RDH10: variants seen among roughly 807,000 people sequenced by gnomAD.
RDH10 encodes retinol dehydrogenase 10.
In RDH10, 12 loss-of-function variants were observed where a neutral mutation model predicts 30.2. That is an observed-to-expected ratio of 0.40 (90% CI 0.25 to 0.64). RDH10 has a LOEUF of 0.64. Among genes scored for constraint, RDH10 ranks in the 30% least tolerant of loss-of-function variants. The pLI is 0.43. For missense variants in RDH10, 268 were observed against 445.2 expected (o/e 0.60, Z 3.58); for synonymous variants, 189 against 172.2 (o/e 1.10, Z -0.76).
chr8:73,313,921 T>C (rs1360654056), intron 2 of RDH10, among the ~76,000 whole-genome samples: 1 of 152,234 alleles, frequency 6.6e-6, no homozygotes, highest in Non-Finnish European at 1.5e-5. Flanking sequence ...TCCATCCTTA[T>C]ACTTGATGTA....
At position 73,324,385 on chromosome 8, in the gene RDH10, C is replaced by T. The variant is rs1302129418; in HGVS notation, c.*1349C>T. 1 of 152,148 alleles carries T rather than the reference C, an allele frequency of 6.6e-6. No homozygotes were observed. The highest frequency in any genetic ancestry group is 1.5e-5 in the Non-Finnish European group (1 of 67,976). The allele number at this position is 152,148 out of a possible 1,614,324, so 9.4% of individuals were successfully genotyped here. ...AAACATTGTAAAGGTGAACTTCTAC[C>T]TCTGTATCTAAATGTATACCATCCA... On this transcript the variant is annotated 3_prime_UTR_variant, in exon 6 of 6. Coordinates refer to ENST00000240285, the MANE Select transcript of RDH10 (RefSeq NM_172037.5).
chr8:73,316,127 C>T (rs1814658698), intron 2 of RDH10, among the ~76,000 whole-genome samples: 1 of 152,142 alleles, frequency 6.6e-6, no homozygotes, highest in African/African-American at 2.4e-5. Context: ...AGCGATCTGT[C>T]TACCCCAGCC....
intron 2 of RDH10, 41 bp downstream of exon 2, chr8:73,297,470 T>C (rs1270562084): frequency 7.1e-7 from 1 of 1,407,952 alleles, no homozygotes; most frequent in East Asian, 2.3e-5. Flanking sequence ...GGGCCCTCCT[T>C]AATGAGAAGG....
chr8:73,296,475 A>G (rs1814269049), intron 1 of RDH10, among the ~76,000 whole-genome samples: 1 of 152,192 alleles, frequency 6.6e-6, no homozygotes, highest in Admixed American at 6.5e-5. Context: ...CATTGGTGGT[A>G]TGGAGGTGTA....
At chr8:73,319,243 A>G (rs758591713) in intron 3 of RDH10, 49 bp downstream of exon 3, 8 of 1,241,842 alleles carry the variant, frequency 6.4e-6, no homozygotes, top group African/African-American at 1.5e-5. Flanking sequence ...TTATCCTGTG[A>G]TAAGTACACC....
At chr8:73,322,511 T>C (rs1814788973) in intron 4 of RDH10, 168 bp from the exon 5 acceptor site, 1 of 608,180 alleles carries the variant, frequency 1.6e-6, no homozygotes, top group South Asian at 2.5e-5. Flanking sequence ...CAATAAAATG[T>C]GTTCATAGCA....
chr8:73,295,237 C>T lies in RDH10; in HGVS notation c.-53C>T. On this transcript the variant is annotated 5_prime_UTR_variant, in exon 1 of 6. Coordinates refer to ENST00000240285, the MANE Select transcript of RDH10 (RefSeq NM_172037.5). Reference sequence around the variant, plus strand: ...GAGCCGGGAGCCCGATTGCCGGGCTCGGGGTGGGCGCGGACGCAGGCACTG... The same window carrying T: ...GAGCCGGGAGCCCGATTGCCGGGCTTGGGGTGGGCGCGGACGCAGGCACTG... 1 of 1,467,058 alleles carries T rather than the reference C, an allele frequency of 6.8e-7. No homozygotes were observed. Among genetic ancestry groups the T allele is most frequent in the South Asian group, 1.3e-5 (1 of 75,202 alleles). 90.9% of individuals were successfully genotyped at this position (1,467,058 alleles called of 1,614,324 possible).
rs1036887359 is a variant in RDH10, at chr8:73,295,255, A to T, written c.-35A>T. Reference sequence around the variant, plus strand: ...CCGGGCTCGGGGTGGGCGCGGACGCAGGCACTGGGCTCGTGCGGGGCCCCG... The same window carrying T: ...CCGGGCTCGGGGTGGGCGCGGACGCTGGCACTGGGCTCGTGCGGGGCCCCG... On this transcript the variant is annotated 5_prime_UTR_variant, in exon 1 of 6. Coordinates refer to ENST00000240285, the MANE Select transcript of RDH10 (RefSeq NM_172037.5). The T allele has an allele frequency of 2.0e-6, 3 of 1,499,640 alleles. No individual in the cohort carries two copies. The highest frequency in any genetic ancestry group is 2.1e-5 in the Admixed American group (1 of 47,822). The allele number at this position is 1,499,640 out of a possible 1,614,324, so 92.9% of individuals were successfully genotyped here. A position where few individuals can be genotyped will look rare whatever the true frequency, so the allele number is the denominator to read the frequency against.
chr8:73,301,486 G>A (rs935955200), intron 2 of RDH10, among the ~76,000 whole-genome samples: 6 of 151,932 alleles, frequency 3.9e-5, no homozygotes, highest in Admixed American at 2.6e-4. Context: ...GGCTGGGCAC[G>A]GTGGCTCACA....
In RDH10 at chr8:73,322,761, C is replaced by T. The variant is rs1248929043; in HGVS notation, c.853C>T (p.Pro285Ser). The change falls in exon 5 of 6, where the codon CCC (proline) becomes TCC (serine). Residue 285 changes from proline (P) to serine (S), a missense_variant. Around this residue, in one of 4 missense-constraint regions of RDH10, gnomAD observed 136 missense variants for 288.8 expected, o/e 0.47. Transcript: ENST00000240285. The part of the protein sequence containing the change: ...QAMKAILTDQ[P>S]MICTPRLMYI... Reference sequence around the variant, plus strand: ...CATGAAGGCCATCCTCACTGACCAGCCCATGATCTGCACTCCCCGCCTCAT... The same window carrying T: ...CATGAAGGCCATCCTCACTGACCAGTCCATGATCTGCACTCCCCGCCTCAT... The T allele has an allele frequency of 6.2e-7, 1 of 1,614,096 alleles. No homozygotes were observed. The highest frequency in any genetic ancestry group is 1.1e-5 in the South Asian group (1 of 91,084).
At chr8:73,300,739 C>T (rs1221610859) in intron 2 of RDH10, among the ~76,000 whole-genome samples, 1 of 152,222 alleles carries the variant, frequency 6.6e-6, no homozygotes, top group South Asian at 2.1e-4. Flanking sequence ...ACCTGAAACA[C>T]CCTCTTCCTC....
chr8:73,296,055 C>T (rs1394245044), intron 1 of RDH10, among the ~76,000 whole-genome samples: 3 of 152,184 alleles, frequency 2.0e-5, no homozygotes, highest in Admixed American at 6.5e-5. Context: ...GCCTGAGGAA[C>T]ATAATTACAT....
At chr8:73,319,286 A>G in intron 3 of RDH10, 92 bp downstream of exon 3, 1 of 862,062 alleles carries the variant, frequency 1.2e-6, no homozygotes, top group Non-Finnish European at 1.9e-6. Flanking sequence ...CTGCCCCTCC[A>G]TTCATGAAAG....
intron 2 of RDH10, among the ~76,000 whole-genome samples, chr8:73,317,923 C>A (rs373294872): frequency 6.9e-6 from 1 of 145,090 alleles, no homozygotes; most frequent in Non-Finnish European, 1.5e-5. Flanking sequence ...CTGTCCCCCA[C>A]CCCCGCCCAA....
intron 2 of RDH10, among the ~76,000 whole-genome samples, chr8:73,307,447 A>G (rs764016189): frequency 1.4e-4 from 21 of 152,258 alleles, no homozygotes; most frequent in Non-Finnish European, 2.8e-4. Flanking sequence ...TAACAAAAAT[A>G]GTCTATAAAT....
At chr8:73,313,087 C>G (rs572300541) in intron 2 of RDH10, 1 of 152,212 alleles carries the variant, frequency 6.6e-6, no homozygotes, top group Non-Finnish European at 1.5e-5. Context: ...AAAAGTCAGA[C>G]CTTGCCGGAT....
Position 73,295,189 on chromosome 8 carries a change from C to T in RDH10, c.-101C>T, listed in dbSNP as rs1814237423. 4 of 1,195,148 alleles carry T rather than the reference C, an allele frequency of 3.3e-6. No homozygotes were observed. Among genetic ancestry groups the T allele is most frequent in the African/African-American group, 3.3e-5 (2 of 61,424 alleles). 74.0% of individuals were successfully genotyped at this position (1,195,148 alleles called of 1,614,324 possible). The stretch of plus-strand genomic sequence containing the variant: ...GGCGCGGGGCGCAGCCTTCTCGTCC[C>T]GGCCTCTGTGACAAGCGCCCCGGAG... On this transcript the variant is annotated 5_prime_UTR_variant, in exon 1 of 6. Transcript: ENST00000240285.
At chr8:73,318,631 G>A (rs1351476462) in intron 2 of RDH10, among the ~76,000 whole-genome samples, 1 of 152,216 alleles carries the variant, frequency 6.6e-6, no homozygotes, top group Non-Finnish European at 1.5e-5. Context: ...TCTCTTCATT[G>A]ATAGGTCTAT....
intron 2 of RDH10, among the ~76,000 whole-genome samples, chr8:73,300,952 T>C (rs555545612): frequency 1.3e-5 from 2 of 152,306 alleles, no homozygotes; most frequent in East Asian, 3.9e-4. Context: ...CAGCATTTGT[T>C]ATCATTCTCC....
Sources: allele counts gnomAD v4.1 joint callset (sites outside exome capture counted in the v4.1 genomes callset), GRCh38; gene constraint gnomAD v4.1.1; regional missense constraint gnomAD v4.1.1; transcripts MANE v1.5; gene names NCBI Gene and HGNC (gene_info 2026-07-23, HGNC 2026-07-21).